The following STUM variants were observed in gnomAD, a reference collection of about 807,000 sequenced individuals.
STUM encodes stum, mechanosensory transduction mediator homolog.
A neutral mutation model predicts 15.3 loss-of-function variants in STUM; 8 were observed. The observed-to-expected ratio is 0.52, with a 90% CI of 0.31 to 0.94. STUM has a LOEUF of 0.94. STUM is among the 40% of genes least tolerant of loss of function. The pLI is 0.05. For synonymous variants in STUM, 78 were observed against 88.7 expected, an observed-to-expected ratio of 0.88 and a Z score of 0.68; for missense variants, 142 against 204.9, an observed-to-expected ratio of 0.69 and a Z score of 1.87.
chr1:226,560,853 C>T (rs1157403985), intron 1 of STUM, among the ~76,000 whole-genome samples: 1 of 152,194 alleles, frequency 6.6e-6, no homozygotes, highest in African/African-American at 2.4e-5. Flanking sequence ...TGAAATTTTT[C>T]AGGAGCTCTC....
rs983809899 is a variant in STUM, at chr1:226,549,175, G to T, written c.202+69G>T. 307 of 1,401,640 alleles carry T rather than the reference G, an allele frequency of 2.2e-4. No individual in the cohort carries two copies. Among genetic ancestry groups the T allele is most frequent in the Admixed American group, 3.5e-4 (14 of 40,188 alleles). 86.8% of individuals were successfully genotyped at this position (1,401,640 alleles called of 1,614,324 possible). Reference sequence around the variant, plus strand: ...CGGGAGGGCGTGGGGGGAGAGAAGGGCGCGGCCGGAGACCTCCTGGCGGGG... The same window carrying T: ...CGGGAGGGCGTGGGGGGAGAGAAGGTCGCGGCCGGAGACCTCCTGGCGGGG... On this transcript the variant is annotated intron_variant, in intron 1 of 3. Coordinates refer to ENST00000366788, the MANE Select transcript of STUM (RefSeq NM_001003665.4). The surrounding 1 kb of genome is among the most constrained non-coding windows in gnomAD (Gnocchi z 6.8).
rs537323605 is a variant in STUM, at chr1:226,549,161, G to T, written c.202+55G>T. The T allele has an allele frequency of 2.4e-5, 35 of 1,479,108 alleles. No homozygotes were observed. The highest frequency in any genetic ancestry group is 4.6e-5 in the African/African-American group (3 of 64,838). 91.6% of individuals were successfully genotyped at this position (1,479,108 alleles called of 1,614,324 possible). A position where few individuals can be genotyped will look rare whatever the true frequency, so the allele number is the denominator to read the frequency against. ...CCCCCACCCCGCCGCGGGAGGGCGT[G>T]GGGGGAGAGAAGGGCGCGGCCGGAG... On this transcript the variant is annotated intron_variant, in intron 1 of 3. Transcript: ENST00000366788. The surrounding 1 kb of genome is among the most constrained non-coding windows in gnomAD (Gnocchi z 6.8).
intron 1 of STUM, among the ~76,000 whole-genome samples, chr1:226,558,003 A>G (rs1667475503): frequency 6.6e-6 from 1 of 152,232 alleles, no homozygotes; most frequent in Non-Finnish European, 1.5e-5. Flanking sequence ...AATAAAGGCC[A>G]TATATGAGAA....
chr1:226,576,637 A>T (rs1327511266), intron 1 of STUM, among the ~76,000 whole-genome samples: 1 of 152,190 alleles, frequency 6.6e-6, no homozygotes, highest in East Asian at 1.9e-4. Context: ...CAGTAAGTAC[A>T]TTCACAATGC....
At chr1:226,574,864 G>A (rs1015142775) in intron 1 of STUM, among the ~76,000 whole-genome samples, 8 of 152,150 alleles carry the variant, frequency 5.3e-5, no homozygotes, top group African/African-American at 7.2e-5. Context: ...CGGGGTCAGC[G>A]GGGCCCCAGG....
intron 1 of STUM, among the ~76,000 whole-genome samples, chr1:226,561,982 G>A (rs1239863132): frequency 1.3e-5 from 2 of 149,568 alleles, no homozygotes; most frequent in East Asian, 3.9e-4. Flanking sequence ...GGGCAAATCT[G>A]TAGAGACAGT....
chr1:226,600,770 T>C lies in STUM; in HGVS notation c.391+96T>C. On this transcript the variant is annotated intron_variant, in intron 3 of 3. Transcript: ENST00000366788. The surrounding 1 kb of genome is among the most constrained non-coding windows in gnomAD (Gnocchi z 5.2). ...TCCTGCACACAAACACCCCACCCAC[T>C]CTCCCAGTGGGTCAATGGGCTTTTA... is the stretch of plus-strand genomic sequence containing the variant. The C allele has an allele frequency of 7.4e-7, 1 of 1,346,882 alleles. No individual in the cohort carries two copies. The highest frequency in any genetic ancestry group is 1.2e-5 in the South Asian group (1 of 85,360). 83.4% of individuals were successfully genotyped at this position (1,346,882 alleles called of 1,614,324 possible). A position where few individuals can be genotyped will look rare whatever the true frequency, so the allele number is the denominator to read the frequency against.
intron 1 of STUM, among the ~76,000 whole-genome samples, chr1:226,562,545 A>C (rs1381311766): frequency 6.6e-6 from 1 of 152,076 alleles, no homozygotes; most frequent in Non-Finnish European, 1.5e-5. Context: ...TCAACAAGGG[A>C]CCGACATCAT....
chr1:226,599,211 T>C (rs774267902), intron 2 of STUM, among the ~76,000 whole-genome samples: 20 of 152,120 alleles, frequency 1.3e-4, no homozygotes, highest in Non-Finnish European at 2.6e-4. Flanking sequence ...AGCCAAACCA[T>C]ATCAGGGGGA....
intron 1 of STUM, among the ~76,000 whole-genome samples, chr1:226,558,598 G>A (rs960068427): frequency 7.9e-5 from 12 of 152,180 alleles, no homozygotes; most frequent in Non-Finnish European, 1.5e-4. Context: ...GGGCCTGTGC[G>A]AGGGATGCGT....
chr1:226,554,958 C>A (rs556936335), intron 1 of STUM, among the ~76,000 whole-genome samples: 1 of 152,198 alleles, frequency 6.6e-6, no homozygotes, highest in African/African-American at 2.4e-5. Flanking sequence ...GGTCGCCAGT[C>A]TCCTCCAGGT....
chr1:226,584,485 C>T (rs557726478), intron 1 of STUM, among the ~76,000 whole-genome samples: 3 of 152,092 alleles, frequency 2.0e-5, no homozygotes, highest in South Asian at 2.1e-4. Context: ...AAGAATTGGC[C>T]GCCTGAGTCT....
rs1435327584 is a variant in STUM, at chr1:226,603,320, TA to T, written c.*1281del. On this transcript the variant is annotated 3_prime_UTR_variant, in exon 4 of 4. Coordinates refer to ENST00000366788, the MANE Select transcript of STUM (RefSeq NM_001003665.4). The stretch of plus-strand genomic sequence containing the variant: ...ACAGGGCTAGATCCCTAATGGGGGC[TA>T]GGGGTGGGGAGAATCTAGCAGAAGT... 2 of 152,216 alleles carry T rather than the reference TA, an allele frequency of 1.3e-5. No homozygotes were observed. Among genetic ancestry groups the T allele is most frequent in the East Asian group, 3.8e-4 (2 of 5,200 alleles). The allele number at this position is 152,216 out of a possible 1,614,324, so 9.4% of individuals were successfully genotyped here. A position where few individuals can be genotyped will look rare whatever the true frequency, so the allele number is the denominator to read the frequency against.
At position 226,565,644 on chromosome 1, in the gene STUM, G is replaced by A. The variant is rs1400401955; in HGVS notation, c.202+16538G>A. Among the ~76,000 whole-genome samples the A allele has an allele frequency of 6.6e-6, 1 of 152,164 alleles. No homozygotes were observed. The highest frequency in any genetic ancestry group is 1.5e-5 in the Non-Finnish European group (1 of 68,024). ...GAGATGCCTCAGCTGGGGGAGGGGT[G>A]GAGACTTGAGAAGGTGCTAGGCGTG... On this transcript the variant is annotated intron_variant, in intron 1 of 3. Transcript: ENST00000366788. This position sits in a 1 kb window ranked among gnomAD's most constrained non-coding sequence, Gnocchi z 4.4.
Position 226,564,295 on chromosome 1 carries a change from C to T in STUM, c.202+15189C>T, listed in dbSNP as rs563822228. ...GCTAGGTTACCCTGTTTCAAGATGT[C>T]GGTCCTCAGGAAATGCTTGGAGGTC... On this transcript the variant is annotated intron_variant, in intron 1 of 3. Transcript: ENST00000366788. Among the ~76,000 whole-genome samples the T allele has an allele frequency of 1.6e-4, 25 of 152,298 alleles. No homozygotes were observed. In the East Asian group the frequency reaches 3.9e-3, roughly 24 times the overall value.
chr1:226,556,151 G>A (rs1012472264), intron 1 of STUM, among the ~76,000 whole-genome samples: 1 of 152,204 alleles, frequency 6.6e-6, no homozygotes, highest in Non-Finnish European at 1.5e-5. Context: ...AATGGCAAGG[G>A]ACCCAGCTGC....
chr1:226,572,821 G>A (rs764355626), intron 1 of STUM, among the ~76,000 whole-genome samples: 2 of 152,244 alleles, frequency 1.3e-5, no homozygotes, highest in African/African-American at 2.4e-5. Flanking sequence ...ACGGGACCAG[G>A]CTCATGAAAA....
At chr1:226,568,492 C>T (rs1667656939) in intron 1 of STUM, among the ~76,000 whole-genome samples, 1 of 152,242 alleles carries the variant, frequency 6.6e-6, no homozygotes, top group Admixed American at 6.5e-5. Context: ...GGAACCAGAA[C>T]GCTGCCTGCA....
At position 226,552,748 on chromosome 1, in the gene STUM, T is replaced by G. The variant is rs1667391305; in HGVS notation, c.202+3642T>G. ...ACAGGCTGGCTCTGCTTCTTCTCTC[T>G]CTCTTTCCTCTAGACCCAAGGCTCA... On this transcript the variant is annotated intron_variant, in intron 1 of 3. Coordinates refer to ENST00000366788, the MANE Select transcript of STUM (RefSeq NM_001003665.4). The surrounding 1 kb of genome is among the most constrained non-coding windows in gnomAD (Gnocchi z 4.7). 6.6e-6 allele frequency among the ~76,000 whole-genome samples: 1 copy of G among 152,164 alleles called. No individual in the cohort carries two copies. Among genetic ancestry groups the G allele is most frequent in the African/African-American group, 2.4e-5 (1 of 41,438 alleles).
Sources: allele counts gnomAD v4.1 joint callset (sites outside exome capture counted in the v4.1 genomes callset), GRCh38; gene constraint gnomAD v4.1.1; non-coding constraint Gnocchi (gnomAD v3.1); transcripts MANE v1.5; gene names NCBI Gene and HGNC (gene_info 2026-07-23, HGNC 2026-07-21).